The following ASTN2 variants were observed in gnomAD, a reference collection of about 807,000 sequenced individuals.
The protein encoded by ASTN2 is astrotactin-2.
ASTN2 carries 54 observed loss-of-function variants against 139.8 expected under a neutral mutation model. The observed-to-expected ratio is 0.39, with a 90% CI of 0.31 to 0.48. The LOEUF is 0.48. Ranked by LOEUF, ASTN2 falls within the 20% of genes least tolerant of loss-of-function variation. The pLI, the probability that ASTN2 is intolerant of heterozygous loss-of-function variation, is 0.95. For missense variants in ASTN2, 1,565 were observed against 1,725.1 expected (o/e 0.91, Z 1.64); for synonymous variants, 756 against 719.5 (o/e 1.05, Z -0.81).
At chr9:116,598,500 G>T (rs1178377277) in intron 19 of ASTN2, among the ~76,000 whole-genome samples, 2 of 152,158 alleles carry the variant, frequency 1.3e-5, no homozygotes, top group African/African-American at 4.8e-5. Flanking sequence ...ATTAATTGTG[G>T]TTTTTGCCAT....
rs116217860 is a variant in ASTN2, at chr9:117,258,637, A to C, written c.630+32689T>G. ...CTCCATCGCCTGCAGGATAAAATCC[A>C]AGCCTTTATCATCAAAATTCTTTAG... On this transcript the variant is annotated intron_variant, in intron 2 of 22. Transcript: ENST00000313400. Among the ~76,000 whole-genome samples the C allele has an allele frequency of 2.3e-3, 345 of 152,218 alleles. 2 individuals carry two copies. Among genetic ancestry groups the C allele is most frequent in the African/African-American group, 7.7e-3 (321 of 41,534 alleles).
intron 15 of ASTN2, among the ~76,000 whole-genome samples, chr9:116,726,427 A>C (rs2132117256): frequency 6.6e-6 from 1 of 152,360 alleles, no homozygotes; most frequent in African/African-American, 2.4e-5. Context: ...ACTTCCAGGT[A>C]GAGAAAGAAG....
At chr9:116,851,757 C>T (rs1247011848) in intron 11 of ASTN2, among the ~76,000 whole-genome samples, 1 of 152,146 alleles carries the variant, frequency 6.6e-6, no homozygotes, top group African/African-American at 2.4e-5. Context: ...ACCACTTCTG[C>T]CTGAAATTCC....
chr9:116,911,721 G>A (rs767229557), intron 10 of ASTN2, among the ~76,000 whole-genome samples: 6 of 152,092 alleles, frequency 3.9e-5, no homozygotes, highest in Non-Finnish European at 8.8e-5. Context: ...TGGCTAACAC[G>A]GTGAAACCCC....
chr9:116,780,559 C>T (rs548451943), intron 13 of ASTN2, among the ~76,000 whole-genome samples: 45 of 152,256 alleles, frequency 3.0e-4, no homozygotes, highest in Non-Finnish European at 4.3e-4. Flanking sequence ...GTTTCTATCA[C>T]GCAGTTTGTC....
At chr9:116,432,803 G>A (rs979264108) in intron 22 of ASTN2, among the ~76,000 whole-genome samples, 4 of 152,082 alleles carry the variant, frequency 2.6e-5, no homozygotes, top group South Asian at 2.1e-4. Context: ...GGTGGCAGGC[G>A]CCTGTAATCC....
chr9:117,302,751 T>G (rs1159366411), intron 1 of ASTN2, among the ~76,000 whole-genome samples: 1 of 152,104 alleles, frequency 6.6e-6, no homozygotes, highest in Non-Finnish European at 1.5e-5. Flanking sequence ...TAAAACCCAG[T>G]GACCAAACAG....
intron 15 of ASTN2, among the ~76,000 whole-genome samples, chr9:116,727,382 A>G (rs1828658335): frequency 6.6e-6 from 1 of 152,226 alleles, no homozygotes. Context: ...CTCCAGCATT[A>G]AAAGTGAGCT....
intron 3 of ASTN2, among the ~76,000 whole-genome samples, chr9:117,175,408 T>C (rs1489481681): frequency 2.0e-5 from 3 of 152,118 alleles, no homozygotes; most frequent in Non-Finnish European, 4.4e-5. Context: ...CCAATCCCAG[T>C]GACAGCAAGC....
chr9:116,439,270 G>A (rs1847764556), intron 22 of ASTN2, among the ~76,000 whole-genome samples: 1 of 123,188 alleles, frequency 8.1e-6, no homozygotes, highest in African/African-American at 3.4e-5. Context: ...GCGGGATCTC[G>A]GCTCACTGCA....
At chr9:116,875,327 A>G (rs1255434392) in intron 10 of ASTN2, among the ~76,000 whole-genome samples, 1 of 152,236 alleles carries the variant, frequency 6.6e-6, no homozygotes, top group Non-Finnish European at 1.5e-5. Context: ...TAAACCAGCT[A>G]CAATATTCCC....
At chr9:117,074,225 C>G (rs1345149874) in intron 5 of ASTN2, among the ~76,000 whole-genome samples, 1 of 152,146 alleles carries the variant, frequency 6.6e-6, no homozygotes, top group South Asian at 2.1e-4. Context: ...GAGCAAGTCA[C>G]TGCCCCATGT....
At chr9:117,184,315 G>A (rs1831145420) in intron 3 of ASTN2, among the ~76,000 whole-genome samples, 2 of 152,232 alleles carry the variant, frequency 1.3e-5, no homozygotes, top group African/African-American at 4.8e-5. Context: ...GCCAAAGCAG[G>A]CAGACTGTCT....
At chr9:117,158,147 A>T (rs1348349892) in intron 3 of ASTN2, among the ~76,000 whole-genome samples, 1 of 152,084 alleles carries the variant, frequency 6.6e-6, no homozygotes, top group East Asian at 1.9e-4. Context: ...AAGTCTCAAT[A>T]GTAATTATAC....
intron 1 of ASTN2, among the ~76,000 whole-genome samples, chr9:117,331,342 C>T (rs1179372185): frequency 6.6e-6 from 1 of 152,134 alleles, no homozygotes; most frequent in East Asian, 1.9e-4. Flanking sequence ...CAGTGAGTCA[C>T]CCAGAAACCA....
intron 20 of ASTN2, among the ~76,000 whole-genome samples, chr9:116,467,159 A>G (rs908159670): frequency 1.3e-5 from 2 of 152,268 alleles, no homozygotes; most frequent in African/African-American, 4.8e-5. Flanking sequence ...AGGACTATCA[A>G]AGTCTACAGT....
At position 116,568,530 on chromosome 9, in the gene ASTN2, T is replaced by C. The variant is rs10983237; in HGVS notation, c.3355+49794A>G. 0.019 allele frequency: 2,899 copies of C among 152,222 alleles called. 400 individuals are homozygous for C. In the South Asian group the frequency reaches 0.29, roughly 15 times the overall value. 9.4% of individuals were successfully genotyped at this position (152,222 alleles called of 1,614,324 possible). A position where few individuals can be genotyped will look rare whatever the true frequency, so the allele number is the denominator to read the frequency against. On this transcript the variant is annotated intron_variant, in intron 19 of 22. Coordinates refer to ENST00000313400, the MANE Select transcript of ASTN2 (RefSeq NM_001365068.1). ...AGAGCTACGTAATGCCAGATAAATC[T>C]TCTTGCTGAATGAGAGACCCATCCT...
At chr9:117,009,377 C>T (rs1837447764) in intron 6 of ASTN2, among the ~76,000 whole-genome samples, 1 of 152,080 alleles carries the variant, frequency 6.6e-6, no homozygotes, top group Non-Finnish European at 1.5e-5. Context: ...CACATACATG[C>T]ACATGTTCAC....
At chr9:116,601,761 GT>G (rs1158669147) in intron 19 of ASTN2, among the ~76,000 whole-genome samples, 1 of 152,208 alleles carries the variant, frequency 6.6e-6, no homozygotes, top group Admixed American at 6.5e-5. Flanking sequence ...TTTTGAATGT[GT>G]TGAGTTTGAA....
Sources: allele counts gnomAD v4.1 joint callset (sites outside exome capture counted in the v4.1 genomes callset), GRCh38; gene constraint gnomAD v4.1.1; transcripts MANE v1.5; gene names NCBI Gene and HGNC (gene_info 2026-07-23, HGNC 2026-07-21).